DST: variants seen among roughly 807,000 people sequenced by gnomAD.
DST encodes the protein dystonin.
DST carries 253 observed loss-of-function variants against 875.2 expected under a neutral mutation model. The observed-to-expected ratio is 0.29, with a 90% CI of 0.26 to 0.32. The LOEUF (loss-of-function observed/expected upper bound fraction) is 0.32. Among genes scored for constraint, DST ranks in the 10% least tolerant of loss-of-function variants. DST has a pLI of 1.00. For missense variants in DST, 8,287 were observed against 9,111.6 expected, an observed-to-expected ratio of 0.91 and a Z score of 3.68; for synonymous variants, 3,124 against 3,197.1, an observed-to-expected ratio of 0.98 and a Z score of 0.77.
intron 62 of DST, 77 bp from the exon 63 acceptor site, chr6:56,535,369 C>T: frequency 7.0e-7 from 1 of 1,435,584 alleles, no homozygotes; most frequent in South Asian, 1.5e-5. Flanking sequence ...CACTATTTTA[C>T]ATGCTTATTT....
At chr6:56,461,751 G>A (rs955190961) in intron 102 of DST, 1 of 152,164 alleles carries the variant, frequency 6.6e-6, no homozygotes, top group East Asian at 1.9e-4. Flanking sequence ...ATGTTAATAT[G>A]TCCCTTGAGG....
intron 72 of DST, 99 bp downstream of exon 72, chr6:56,515,351 C>T: frequency 1.5e-6 from 2 of 1,338,936 alleles, no homozygotes; most frequent in South Asian, 2.8e-5. Context: ...TTCTAAAATG[C>T]CTTAATCATG....
At chr6:56,718,939 T>C (rs940699251) in intron 5 of DST, among the ~76,000 whole-genome samples, 2 of 152,300 alleles carry the variant, frequency 1.3e-5, no homozygotes, top group African/African-American at 4.8e-5. Context: ...AGGTTTCTTT[T>C]TGGGGTGAGG....
rs1284559589 is a variant in DST, at chr6:56,573,766, C to T, written c.13149G>A (p.Trp4383Ter). ...TCAGAGAACTTTCCACATTTCCCATCCAGTCCAGCATTTCATCCAAGCCAT... is the reference window on the plus strand; with the variant it reads ...TCAGAGAACTTTCCACATTTCCCATTCAGTCCAGCATTTCATCCAAGCCAT... Reference protein sequence around the residue: ...VQDGLDEMLDWMGNVESSLKE... With the variant: ...VQDGLDEMLD The change falls in exon 51 of 104, where the codon TGG becomes TGA. Residue 4383 changes from tryptophan to a stop codon, truncating the protein, a stop_gained. Transcript: ENST00000680361. LOFTEE classifies it high-confidence loss of function. 1.2e-6 allele frequency: 2 copies of T among 1,613,568 alleles called. No homozygotes were observed. The highest frequency in any genetic ancestry group is 1.7e-6 in the Non-Finnish European group (2 of 1,179,728).
chr6:56,477,591 T>G, intron 90 of DST, 103 bp from the exon 91 acceptor site: 2 of 1,425,598 alleles, frequency 1.4e-6, no homozygotes, highest in South Asian at 2.5e-5. Context: ...AAACAAAAAC[T>G]TCAATTGGTT....
rs114933767 is a variant in DST at position 56,517,027 on chromosome 6, T to C, written c.18357+171A>G. On this transcript the variant is annotated intron_variant, in intron 71 of 103. Transcript: ENST00000680361. ...TCCTCATAGTGATTCTCTTAAGAAA[T>C]ATTCCTTTCACTGTTATTCTATAAA... is the stretch of plus-strand genomic sequence containing the variant. Among the ~76,000 whole-genome samples, 3,832 of 152,290 alleles carry C rather than the reference T, an allele frequency of 0.025. 72 individuals carry two copies. Among genetic ancestry groups the C allele is most frequent in the Non-Finnish European group, 0.042 (2,889 of 68,004 alleles).
chr6:56,550,704 G>C (rs981923349), intron 61 of DST, among the ~76,000 whole-genome samples: 4 of 152,144 alleles, frequency 2.6e-5, no homozygotes, highest in Non-Finnish European at 4.4e-5. Flanking sequence ...ACAGGAAACC[G>C]AAAGAAATCA....
chr6:56,716,853 T>A (rs1231420883), intron 5 of DST, among the ~76,000 whole-genome samples: 2 of 152,134 alleles, frequency 1.3e-5, no homozygotes, highest in Non-Finnish European at 2.9e-5. Context: ...GATGAAACTT[T>A]CACCTCAGAT....
Position 56,624,580 on chromosome 6 carries a change from G to T in DST, c.4879C>A (p.Gln1627Lys). ...GAATCACCAGCAAATTTAATATATT[G>T]TGTCATGAGAGTGACCAGGGCAGTA... Reference protein sequence around the residue: ...RYTALVTLMTQYIKFAGDSLK... With the variant: ...RYTALVTLMTKYIKFAGDSLK... The change falls in exon 36 of 104, where the codon CAA becomes AAA. Residue 1627 changes from glutamine to lysine, a missense_variant. Around this residue, in one of 10 missense-constraint regions of DST, gnomAD observed 3,138 missense variants for 3,116.6 expected, o/e 1.01. Transcript: ENST00000680361. The T allele has an allele frequency of 6.2e-7, 1 of 1,613,184 alleles. No individual in the cohort carries two copies. The highest frequency in any genetic ancestry group is 8.5e-7 in the Non-Finnish European group (1 of 1,179,660).
intron 4 of DST, among the ~76,000 whole-genome samples, chr6:56,786,839 AAGAAGAACCTAGGAAGTGCCAAGTAAAGG>A (rs2099706449): frequency 6.6e-6 from 1 of 152,162 alleles, no homozygotes; most frequent in Non-Finnish European, 1.5e-5. Flanking sequence ...TTTTTAACCC[AAGAAGAACCTAGGAAGTGCCAAGTAAAGG>A]ATACTGAGAG....
chr6:56,886,915 T>G (rs1784937865), intron 3 of DST, among the ~76,000 whole-genome samples: 1 of 151,876 alleles, frequency 6.6e-6, no homozygotes, highest in African/African-American at 2.4e-5. Context: ...ATCTCAGAAC[T>G]AAAATAAATA....
intron 4 of DST, among the ~76,000 whole-genome samples, chr6:56,784,626 C>T (rs985684831): frequency 6.6e-6 from 1 of 152,176 alleles, no homozygotes; most frequent in Admixed American, 6.5e-5. Context: ...ATATATTCGT[C>T]TAAAGTTTTT....
intron 10 of DST, among the ~76,000 whole-genome samples, chr6:56,664,711 G>A (rs1444454308): frequency 6.6e-6 from 1 of 151,966 alleles, no homozygotes; most frequent in African/African-American, 2.4e-5. Context: ...TAAGGTTAGG[G>A]GCAATAGTAA....
chr6:56,783,845 T>C (rs142231559), intron 4 of DST, among the ~76,000 whole-genome samples: 1,635 of 152,324 alleles, frequency 0.011, 26 homozygotes, highest in African/African-American at 0.037. Context: ...TTTGGCTTGA[T>C]TTTGCAGCGG....
chr6:56,799,866 C>A (rs2099744699), intron 4 of DST, among the ~76,000 whole-genome samples: 1 of 152,016 alleles, frequency 6.6e-6, no homozygotes, highest in Non-Finnish European at 1.5e-5. Context: ...TCAAGTGATC[C>A]ACCCCACCTC....
intron 4 of DST, among the ~76,000 whole-genome samples, chr6:56,761,752 T>C (rs1000336144): frequency 2.6e-5 from 4 of 152,174 alleles, no homozygotes; most frequent in African/African-American, 9.7e-5. Context: ...TCAAATTTCC[T>C]TCTGACAACT....
At chr6:56,902,101 A>T (rs1794390844) in intron 2 of DST, among the ~76,000 whole-genome samples, 1 of 152,212 alleles carries the variant, frequency 6.6e-6, no homozygotes, top group African/African-American at 2.4e-5. Context: ...CAAAGGAAAC[A>T]ACATAAGAAA....
chr6:56,634,560 T>C lies in DST; in HGVS notation c.3396A>G (p.Lys1132=), dbSNP rs1254107331. 6.2e-7 allele frequency: 1 copy of C among 1,614,206 alleles called. No individual in the cohort carries two copies. Among genetic ancestry groups the C allele is most frequent in the Admixed American group, 1.7e-5 (1 of 60,024 alleles). ...CVLANNSHRA[K]WKVISPTGNE... ...TCCCAGTAGGACTAATGACCTTCCA[T>C]TTAGCACGATGAGAGTTATTCGCCA... Residue 1132 remains lysine (K), a synonymous_variant, in exon 26 of 104, where the codon AAA becomes AAG. Transcript: ENST00000680361.
intron 2 of DST, among the ~76,000 whole-genome samples, chr6:56,926,182 T>C (rs916943677): frequency 7.9e-5 from 12 of 152,196 alleles, no homozygotes; most frequent in Non-Finnish European, 2.9e-5. Flanking sequence ...TGGAGCATGG[T>C]ACTAAAAGTT....
Sources: gnomAD v4.1 joint callset for allele counts (sites outside exome capture counted in the v4.1 genomes callset) on GRCh38, gnomAD v4.1.1 for gene constraint, gnomAD v4.1.1 regional missense constraint, MANE v1.5 for transcripts, NCBI Gene and HGNC (gene_info 2026-07-23, HGNC 2026-07-21) for gene names.